The following CCDC7 variants were observed in gnomAD, a reference collection of about 807,000 sequenced individuals.
CCDC7 encodes the protein coiled-coil domain-containing protein 7.
Under a neutral mutation model 196.9 loss-of-function variants are expected in CCDC7, and 183 were observed. The observed-to-expected ratio is 0.93, with a 90% confidence interval of 0.82 to 1.05. The LOEUF (loss-of-function observed/expected upper bound fraction) is 1.05, where lower values mean the gene tolerates loss of function less well. Among genes scored for constraint, CCDC7 ranks in the 50% least tolerant of loss-of-function variants. CCDC7 has a pLI of 0.00. For missense variants in CCDC7, 1,540 were observed against 1,482.2 expected, an observed-to-expected ratio of 1.04 and a Z score of -0.64; for synonymous variants, 525 against 484.6, an observed-to-expected ratio of 1.08 and a Z score of -1.10.
chr10:32,682,409 G>A (rs1245230705), intron 21 of CCDC7, among the ~76,000 whole-genome samples: 1 of 152,170 alleles, frequency 6.6e-6, no homozygotes, highest in African/African-American at 2.4e-5. Context: ...TGATGAGCAG[G>A]CATCTAGGTT....
intron 29 of CCDC7, among the ~76,000 whole-genome samples, chr10:32,788,761 T>C (rs572396369): frequency 1.3e-5 from 2 of 152,300 alleles, no homozygotes; most frequent in African/African-American, 4.8e-5. Flanking sequence ...CTATACCAAG[T>C]CATTCTCCAT....
chr10:32,457,537 A>G (rs1277831295), intron 3 of CCDC7, among the ~76,000 whole-genome samples: 1 of 152,120 alleles, frequency 6.6e-6, no homozygotes, highest in Admixed American at 6.5e-5. Context: ...TTTCCTGTGG[A>G]TATACACCCA....
At chr10:32,844,974 T>C (rs1209425518) in intron 33 of CCDC7, among the ~76,000 whole-genome samples, 1 of 151,752 alleles carries the variant, frequency 6.6e-6, no homozygotes, top group East Asian at 1.9e-4. Context: ...GCAGATGCTA[T>C]TGGAAGAGGT....
chr10:32,642,372 G>A (rs1293948420), intron 20 of CCDC7, among the ~76,000 whole-genome samples: 2 of 152,196 alleles, frequency 1.3e-5, no homozygotes, highest in African/African-American at 2.4e-5. Flanking sequence ...CCCCAGCCTG[G>A]CTGCCGCCTT....
At chr10:32,574,039 A>G (rs749012725) in intron 16 of CCDC7, among the ~76,000 whole-genome samples, 2 of 152,150 alleles carry the variant, frequency 1.3e-5, no homozygotes, top group Non-Finnish European at 2.9e-5. Flanking sequence ...TGGATTAAGA[A>G]TTACATACCA....
intron 5 of CCDC7, among the ~76,000 whole-genome samples, chr10:32,467,113 T>C (rs1402753294): frequency 6.6e-6 from 1 of 151,918 alleles, no homozygotes; most frequent in Non-Finnish European, 1.5e-5. Flanking sequence ...CCACTTTTTT[T>C]TTTTTTTGAG....
intron 9 of CCDC7, chr10:32,511,259 G>A (rs1169683407): frequency 4.7e-6 from 3 of 637,216 alleles, no homozygotes; most frequent in Admixed American, 3.1e-5. Context: ...TTCTGTGGGG[G>A]GCGGGGGGGG....
At chr10:32,640,723 G>A (rs1161746239) in intron 20 of CCDC7, among the ~76,000 whole-genome samples, 1 of 152,064 alleles carries the variant, frequency 6.6e-6, no homozygotes, top group Admixed American at 6.5e-5. Flanking sequence ...AAATCTGTCA[G>A]CATTTGCTTG....
chr10:32,789,557 A>G (rs914484934), intron 29 of CCDC7, among the ~76,000 whole-genome samples: 8 of 149,612 alleles, frequency 5.3e-5, no homozygotes, highest in Non-Finnish European at 8.8e-5. Context: ...AAAATAAAAA[A>G]GTAAAAAAAA....
intron 9 of CCDC7, among the ~76,000 whole-genome samples, chr10:32,508,382 T>C (rs1011017968): frequency 1.3e-5 from 2 of 152,130 alleles, no homozygotes; most frequent in African/African-American, 2.4e-5. Context: ...ACATGAGATA[T>C]ATTGAAGAAG....
At chr10:32,584,339 A>C (rs767052540) in intron 18 of CCDC7, 35 bp downstream of exon 19, 1 of 1,312,098 alleles carries the variant, frequency 7.6e-7, no homozygotes, top group African/African-American at 1.5e-5. Context: ...TGAAAATGTG[A>C]TTGAATGATT....
chr10:32,536,864 G>A (rs1324523936), intron 11 of CCDC7, among the ~76,000 whole-genome samples: 1 of 152,164 alleles, frequency 6.6e-6, no homozygotes, highest in African/African-American at 2.4e-5. Flanking sequence ...ATTCCATGGA[G>A]TATACATATC....
At chr10:32,446,529 G>A (rs919891659) in intron 1 of CCDC7, 132 bp downstream of exon 1, 6 of 152,138 alleles carry the variant, frequency 3.9e-5, no homozygotes, top group Admixed American at 3.3e-4. Context: ...TTTTATGCAG[G>A]ATGTAGGATC....
In CCDC7 at chr10:32,781,713, G is replaced by A. The variant is rs1476789437; in HGVS notation, c.3013+2629G>A. 2.0e-5 allele frequency among the ~76,000 whole-genome samples: 3 copies of A among 152,272 alleles called. No homozygotes were observed. The East Asian group carries it at 5.8e-4, about 29-fold the overall frequency. On this transcript the variant is annotated intron_variant, in intron 29 of 41. Transcript: ENST00000639629. ...ACTAACATCATATTCAATGGTAAAA[G>A]ATTAAAAATGTTTTCCTTAAGATCA...
At chr10:32,679,374 GT>G (rs1196504980) in intron 21 of CCDC7, among the ~76,000 whole-genome samples, 1 of 152,146 alleles carries the variant, frequency 6.6e-6, no homozygotes, top group Non-Finnish European at 1.5e-5. Flanking sequence ...GGATATCAGA[GT>G]GGCCCAGGGG....
chr10:32,760,143 G>A (rs1194850808), intron 28 of CCDC7, among the ~76,000 whole-genome samples: 3 of 151,916 alleles, frequency 2.0e-5, no homozygotes, highest in Non-Finnish European at 4.4e-5. Flanking sequence ...TTACACTGTT[G>A]GTGGGACTGT....
chr10:32,451,842 TG>T lies in CCDC7; in HGVS notation c.201del (p.Leu67PhefsTer17), dbSNP rs1456665160. ...GGAGAATCCATTTTACGGTATGCTT[TG>T]CCCATTCCATCGAGTAAGACAAAGA... On this transcript the variant is annotated frameshift_variant, in exon 1 of 42. Coordinates refer to ENST00000639629, the Ensembl canonical transcript of CCDC7. LOFTEE classifies it high-confidence loss of function. The T allele has an allele frequency of 1.9e-6, 3 of 1,614,096 alleles. No individual in the cohort carries two copies. Among genetic ancestry groups the T allele is most frequent in the Non-Finnish European group, 2.5e-6 (3 of 1,180,044 alleles).
At chr10:32,543,348 A>G in exon 12 of CCDC7, 1 of 1,458,764 alleles carries the variant, frequency 6.9e-7, no homozygotes, top group South Asian at 1.4e-5. Context: ...GAAAACAGTG[A>G]AGAAAAAAGA....
At chr10:32,701,514 G>A (rs2078720712) in intron 24 of CCDC7, among the ~76,000 whole-genome samples, 1 of 152,136 alleles carries the variant, frequency 6.6e-6, no homozygotes, top group Non-Finnish European at 1.5e-5. Context: ...TTTGGTATCA[G>A]GATGATGCTG....
Sources: allele counts gnomAD v4.1 joint callset (sites outside exome capture counted in the v4.1 genomes callset), GRCh38; gene constraint gnomAD v4.1.1; transcripts MANE v1.5; gene names NCBI Gene and HGNC (gene_info 2026-07-23, HGNC 2026-07-21).